The following SLC9A9 variants were observed in gnomAD, a reference collection of about 807,000 sequenced individuals.
SLC9A9 encodes sodium/hydrogen exchanger 9.
In SLC9A9, 62 loss-of-function variants were observed where a neutral mutation model predicts 77.8. That is an observed-to-expected ratio of 0.80 (90% CI 0.65 to 0.98). The LOEUF (loss-of-function observed/expected upper bound fraction) is 0.98, where lower values mean the gene tolerates loss of function less well. Among genes scored for constraint, SLC9A9 ranks in the 50% least tolerant of loss-of-function variants. SLC9A9 has a pLI of 0.00. For synonymous variants in SLC9A9, 320 were observed against 283.5 expected (o/e 1.13, Z -1.29); for missense variants, 775 against 774.9 (o/e 1.00, Z 0.00).
chr3:143,555,887 C>A (rs1178924079), intron 8 of SLC9A9, among the ~76,000 whole-genome samples: 1 of 152,140 alleles, frequency 6.6e-6, no homozygotes, highest in African/African-American at 2.4e-5. Flanking sequence ...GCCCACATGA[C>A]CAGAGGCTTG....
intron 14 of SLC9A9, among the ~76,000 whole-genome samples, chr3:143,303,000 G>A (rs555578675): frequency 1.3e-3 from 193 of 152,228 alleles, no homozygotes; most frequent in African/African-American, 4.1e-3. Context: ...TTCCCTGCCC[G>A]CCCTCTCCAC....
intron 4 of SLC9A9, among the ~76,000 whole-genome samples, chr3:143,732,622 AG>A (rs1934835555): frequency 1.3e-5 from 2 of 152,222 alleles, no homozygotes; most frequent in Admixed American, 1.3e-4. Context: ...CTCATTACAA[AG>A]CTATTGCTTA....
chr3:143,790,033 C>A (rs749245493), intron 4 of SLC9A9, among the ~76,000 whole-genome samples: 1 of 151,936 alleles, frequency 6.6e-6, no homozygotes, highest in African/African-American at 2.4e-5. Flanking sequence ...AGGGGAGGGA[C>A]CTTGTGGGAG....
intron 5 of SLC9A9, among the ~76,000 whole-genome samples, chr3:143,653,353 G>C (rs1309484246): frequency 6.6e-6 from 1 of 152,202 alleles, no homozygotes; most frequent in Non-Finnish European, 1.5e-5. Flanking sequence ...GTTAAGCAGA[G>C]TGTGAACAGC....
intron 8 of SLC9A9, among the ~76,000 whole-genome samples, chr3:143,572,011 G>T (rs1372725934): frequency 4.6e-5 from 7 of 152,178 alleles, no homozygotes; most frequent in Non-Finnish European, 1.0e-4. Context: ...ACTCGGGGGT[G>T]AGTCTGCCCC....
chr3:143,349,015 C>T (rs1413182617), intron 14 of SLC9A9, among the ~76,000 whole-genome samples: 2 of 152,128 alleles, frequency 1.3e-5, no homozygotes, highest in South Asian at 2.1e-4. Flanking sequence ...CCCAAGAATC[C>T]CCTGATCTTG....
intron 6 of SLC9A9, among the ~76,000 whole-genome samples, chr3:143,628,510 T>A (rs1169432452): frequency 6.6e-6 from 1 of 152,118 alleles, no homozygotes; most frequent in Non-Finnish European, 1.5e-5. Flanking sequence ...ACTGAATGAG[T>A]GTCGCTAAAC....
intron 14 of SLC9A9, among the ~76,000 whole-genome samples, chr3:143,290,800 C>G (rs2029921381): frequency 6.6e-6 from 1 of 152,208 alleles, no homozygotes; most frequent in Non-Finnish European, 1.5e-5. Flanking sequence ...GAAAAAAACA[C>G]TGTTCCTTAA....
At chr3:143,453,884 C>G (rs1357360921) in intron 12 of SLC9A9, among the ~76,000 whole-genome samples, 1 of 152,110 alleles carries the variant, frequency 6.6e-6, no homozygotes, top group Non-Finnish European at 1.5e-5. Context: ...GGAGTTGCAG[C>G]CTTTGGAAAG....
chr3:143,564,417 G>C (rs768745705), intron 8 of SLC9A9, among the ~76,000 whole-genome samples: 124 of 152,232 alleles, frequency 8.1e-4, no homozygotes, highest in Middle Eastern at 6.8e-3. Context: ...CACAGAAAGA[G>C]AATGAATAAG....
At chr3:143,549,489 T>C (rs1435652630) in intron 9 of SLC9A9, among the ~76,000 whole-genome samples, 2 of 152,138 alleles carry the variant, frequency 1.3e-5, no homozygotes, top group Non-Finnish European at 2.9e-5. Context: ...TTTATTAAGC[T>C]TCTGCTATGA....
chr3:143,706,596 C>T (rs1175115104), intron 4 of SLC9A9, among the ~76,000 whole-genome samples: 1 of 152,132 alleles, frequency 6.6e-6, no homozygotes, highest in East Asian at 1.9e-4. Context: ...AGGTGAGTCC[C>T]CGTCCAAATC....
At chr3:143,638,705 T>C (rs754079314) in intron 6 of SLC9A9, among the ~76,000 whole-genome samples, 13 of 152,204 alleles carry the variant, frequency 8.5e-5, no homozygotes, top group Non-Finnish European at 1.6e-4. Context: ...TATCTTCCAA[T>C]AGCTGGCAAG....
At chr3:143,829,085 T>G (rs566092512) in intron 2 of SLC9A9, among the ~76,000 whole-genome samples, 1 of 152,282 alleles carries the variant, frequency 6.6e-6, no homozygotes, top group South Asian at 2.1e-4. Context: ...AAATTGATTT[T>G]AGTGCTTAAT....
At chr3:143,443,693 C>CAA (rs765746930) in intron 12 of SLC9A9, among the ~76,000 whole-genome samples, 16 of 152,170 alleles carry the variant, frequency 1.1e-4, no homozygotes, top group Non-Finnish European at 2.2e-4. Context: ...GCAATATTCC[C>CAA]AAGGGCTGTC....
chr3:143,346,631 T>C (rs950593115), intron 14 of SLC9A9, among the ~76,000 whole-genome samples: 2 of 151,800 alleles, frequency 1.3e-5, no homozygotes, highest in Admixed American at 6.6e-5. Context: ...CTACTCAAAA[T>C]ACAAAAAATT....
chr3:143,463,942 T>C (rs1300516378), intron 12 of SLC9A9, among the ~76,000 whole-genome samples: 1 of 152,202 alleles, frequency 6.6e-6, no homozygotes, highest in Non-Finnish European at 1.5e-5. Flanking sequence ...ATTTTTGCTT[T>C]ATATAAAACA....
intron 6 of SLC9A9, among the ~76,000 whole-genome samples, chr3:143,587,598 A>G (rs1026860763): frequency 2.0e-5 from 3 of 152,206 alleles, no homozygotes; most frequent in Non-Finnish European, 4.4e-5. Flanking sequence ...GGCCAGGGCC[A>G]TGTCTTATAG....
intron 12 of SLC9A9, among the ~76,000 whole-genome samples, chr3:143,422,201 C>A (rs552726755): frequency 6.6e-6 from 1 of 152,148 alleles, no homozygotes; most frequent in South Asian, 2.1e-4. Context: ...TCTCAAAGAA[C>A]TTAAGACAGA....
Sources: gnomAD v4.1 joint callset for allele counts (sites outside exome capture counted in the v4.1 genomes callset) on GRCh38, gnomAD v4.1.1 for gene constraint, MANE v1.5 for transcripts, NCBI Gene and HGNC (gene_info 2026-07-23, HGNC 2026-07-21) for gene names.